MIER2: variants seen among roughly 807,000 people sequenced by gnomAD.
MIER2 encodes mesoderm induction early response protein 2.
Under a neutral mutation model 67.6 loss-of-function variants are expected in MIER2, and 30 were observed. The ratio of observed to expected loss-of-function variants is 0.44; its 90% CI spans 0.33 to 0.60. MIER2 has a LOEUF of 0.60. Among genes scored for constraint, MIER2 ranks in the 20% least tolerant of loss-of-function variants. MIER2 has a pLI of 0.02. For missense variants in MIER2, 702 were observed against 745.1 expected (o/e 0.94, Z 0.67); for synonymous variants, 372 against 312.6 (o/e 1.19, Z -2.00).
At chr19:314,545 G>A (rs1295266946) in intron 7 of MIER2, among the ~76,000 whole-genome samples, 1 of 152,144 alleles carries the variant, frequency 6.6e-6, no homozygotes, top group Admixed American at 6.5e-5. Flanking sequence ...CTCCACACGG[G>A]AGTCTCCACT....
chr19:311,899 A>G lies in MIER2; in HGVS notation c.930T>C (p.Phe310=). The G allele has an allele frequency of 6.2e-7, 1 of 1,614,058 alleles. No individual in the cohort carries two copies. Among genetic ancestry groups the G allele is most frequent in the South Asian group, 1.1e-5 (1 of 91,086 alleles). The change falls in exon 10 of 14, where the codon TTT becomes TTC. Residue 310 remains phenylalanine (F), a synonymous_variant. Transcript: ENST00000264819. The part of the protein sequence containing the change: ...CAWSEEECRN[F]EHGFRVHGKN... The stretch of plus-strand genomic sequence containing the variant: ...TTCCATGCACACGGAAGCCGTGCTC[A>G]AAGTTCCTGCACTCCTCTTCACTCC...
intron 12 of MIER2, among the ~76,000 whole-genome samples, 172 bp from the exon 13 acceptor site, chr19:307,708 G>A (rs548921329): frequency 1.1e-3 from 162 of 151,546 alleles, no homozygotes; most frequent in African/African-American, 3.8e-3. Flanking sequence ...CCCAGGTTAA[G>A]GGTCTCAGCT....
intron 7 of MIER2, among the ~76,000 whole-genome samples, chr19:315,468 T>C (rs1971199012): frequency 1.3e-5 from 2 of 152,238 alleles, no homozygotes; most frequent in South Asian, 4.1e-4. Flanking sequence ...CGAGGATTAA[T>C]ACGTTAAGGA....
At chr19:344,308 C>G (rs1972639392) in intron 1 of MIER2, 1 of 984,880 alleles carries the variant, frequency 1.0e-6, no homozygotes, top group Non-Finnish European at 1.2e-6. Context: ...GGTGGGTCCA[C>G]CGGGATCCCG....
At chr19:329,594 G>T (rs971611688) in intron 3 of MIER2, among the ~76,000 whole-genome samples, 4 of 152,172 alleles carry the variant, frequency 2.6e-5, no homozygotes, top group African/African-American at 9.7e-5. Context: ...CTTCACTTCA[G>T]AAGATGCTGG....
At position 326,567 on chromosome 19, in the gene MIER2, A is replaced by G; in HGVS notation, c.525T>C (p.Pro175=). The part of the protein sequence containing the change: ...SRFLADEDRE[P]GSSASSDTEE... ...CGGTGTCGGAGGAGGCAGAAGAGCC[A>G]GGCTCTCTGTCTTCATCAGCCAGGA... Residue 175 remains proline, a synonymous_variant, in exon 6 of 14, where the codon CCT becomes CCC. Coordinates refer to ENST00000264819, the MANE Select transcript of MIER2 (RefSeq NM_017550.3). 6.2e-7 allele frequency: 1 copy of G among 1,614,166 alleles called. No individual in the cohort carries two copies. The highest frequency in any genetic ancestry group is 8.5e-7 in the Non-Finnish European group (1 of 1,179,990).
chr19:307,373 T>G lies in MIER2; in HGVS notation c.1362A>C (p.Ser454=). 1 of 1,607,098 alleles carries G rather than the reference T, an allele frequency of 6.2e-7. No individual in the cohort carries two copies. Among genetic ancestry groups the G allele is most frequent in the South Asian group, 1.1e-5 (1 of 89,592 alleles). The part of the protein sequence containing the change: ...HRPPALADPA[S]YQPAVTAPEP... ...CCGGAGCAGTGACAGCTGGCTGGTA[T>G]GAGGCTGGGTCGGCCAGGGCTGGGG... The change falls in exon 13 of 14, where the codon TCA becomes TCC. Residue 454 remains serine (S), a synonymous_variant. Coordinates refer to ENST00000264819, the MANE Select transcript of MIER2 (RefSeq NM_017550.3).
chr19:330,013 A>G (rs1242391921), intron 3 of MIER2, among the ~76,000 whole-genome samples: 1 of 152,158 alleles, frequency 6.6e-6, no homozygotes, highest in African/African-American at 2.4e-5. Flanking sequence ...GGTTCCTTCA[A>G]GGAACCACAT....
intron 1 of MIER2, among the ~76,000 whole-genome samples, chr19:342,462 A>G (rs566657439): frequency 8.1e-4 from 123 of 152,084 alleles, no homozygotes; most frequent in Admixed American, 1.9e-3. Context: ...CCAGGGCCCT[A>G]GAGTAGGGGG....
chr19:333,138 A>G (rs1057415529), intron 3 of MIER2, among the ~76,000 whole-genome samples: 1 of 91,902 alleles, frequency 1.1e-5, no homozygotes. Flanking sequence ...GACTACAGTC[A>G]CCCGCCACTA....
chr19:336,669 G>A (rs1050719119), intron 1 of MIER2, among the ~76,000 whole-genome samples: 7 of 152,172 alleles, frequency 4.6e-5, no homozygotes, highest in Non-Finnish European at 1.0e-4. Context: ...TTCTTTTGGG[G>A]ATGACAGAAT....
rs1226943962 is a variant in MIER2, at chr19:312,246, G to A, written c.834C>T (p.Asn278=). The A allele has an allele frequency of 1.2e-6, 2 of 1,613,864 alleles. No individual in the cohort carries two copies. The highest frequency in any genetic ancestry group is 1.7e-6 in the Non-Finnish European group (2 of 1,179,902). ...EQALYELVKC[N]FNVEEALRRL... ...TTCGCAGGGCCTCCTCCACATTGAA[G>A]TTGCATTTCACCAACTCGTACAGCG... The change falls in exon 9 of 14, where the codon AAC becomes AAT. Residue 278 remains asparagine (N), a synonymous_variant. Transcript: ENST00000264819.
chr19:322,006 G>A (rs1042401304), intron 7 of MIER2, among the ~76,000 whole-genome samples: 9 of 152,206 alleles, frequency 5.9e-5, no homozygotes, highest in South Asian at 2.1e-4. Context: ...CCGGGTTCAC[G>A]CCATTCTCCT....
intron 7 of MIER2, among the ~76,000 whole-genome samples, chr19:318,702 A>G (rs886434257): frequency 6.6e-6 from 1 of 152,200 alleles, no homozygotes. Flanking sequence ...AGGTGCAACT[A>G]ATTACAAAGA....
intron 1 of MIER2, among the ~76,000 whole-genome samples, chr19:339,804 G>C (rs113863856): frequency 0.017 from 2,541 of 152,168 alleles, 100 homozygotes; most frequent in Admixed American, 0.11. Flanking sequence ...TGGTGGAAAG[G>C]GGCTGGGAGT....
At chr19:309,362 G>A (rs1970816525) in intron 10 of MIER2, among the ~76,000 whole-genome samples, 1 of 152,080 alleles carries the variant, frequency 6.6e-6, no homozygotes, top group South Asian at 2.1e-4. Flanking sequence ...ACAGACTCCT[G>A]GACTGAGCCC....
At chr19:343,035 C>T (rs932435352) in intron 1 of MIER2, among the ~76,000 whole-genome samples, 6 of 152,112 alleles carry the variant, frequency 3.9e-5, no homozygotes, top group African/African-American at 1.2e-4. Context: ...TAGGAGAGGC[C>T]CTGTCTGCTC....
intron 7 of MIER2, among the ~76,000 whole-genome samples, chr19:319,806 T>C (rs575377876): frequency 6.6e-6 from 1 of 152,186 alleles, no homozygotes; most frequent in South Asian, 2.1e-4. Flanking sequence ...AAAGGCACAC[T>C]TCCAAACACA....
At chr19:313,883 C>T (rs761885142) in intron 7 of MIER2, among the ~76,000 whole-genome samples, 13 of 152,168 alleles carry the variant, frequency 8.5e-5, no homozygotes, top group Admixed American at 2.0e-4. Context: ...TGTATCCCAA[C>T]GACCAAGTGC....
Sources: gnomAD v4.1 joint callset for allele counts (sites outside exome capture counted in the v4.1 genomes callset) on GRCh38, gnomAD v4.1.1 for gene constraint, MANE v1.5 for transcripts, NCBI Gene and HGNC (gene_info 2026-07-23, HGNC 2026-07-21) for gene names.